Variants in PBRM1 observed in about 807,000 individuals in gnomAD.
PBRM1 encodes the protein protein polybromo-1.
In PBRM1, 27 loss-of-function variants were observed where a neutral mutation model predicts 194.5. The observed-to-expected ratio is 0.14, with a 90% CI of 0.10 to 0.19. PBRM1 has a LOEUF of 0.19. PBRM1 is among the 10% of genes least tolerant of loss of function. PBRM1 has a pLI of 1.00. For missense variants in PBRM1, 1,466 were observed against 2,077.2 expected (o/e 0.71, Z 5.72); for synonymous variants, 655 against 693.2 (o/e 0.94, Z 0.87).
At chr3:52,630,534 A>C (rs927265906) in intron 11 of PBRM1, among the ~76,000 whole-genome samples, 1 of 152,254 alleles carries the variant, frequency 6.6e-6, no homozygotes, top group African/African-American at 2.4e-5. Context: ...TCATCAACGC[A>C]GAAAGTTCTG....
chr3:52,545,961 C>CT (rs1434944382), downstream of PBRM1: 4 of 232,872 alleles, frequency 1.7e-5, no homozygotes, highest in East Asian at 1.8e-4. Context: ...AATACACAGG[C>CT]TTTTTAAAAA....
chr3:52,623,254 T>C (rs1483473880), intron 13 of PBRM1, among the ~76,000 whole-genome samples: 3 of 152,166 alleles, frequency 2.0e-5, no homozygotes, highest in Admixed American at 6.5e-5. Context: ...CACCTGTGAA[T>C]AGCCACTGCA....
At chr3:52,605,436 A>T (rs2094284892) in intron 16 of PBRM1, among the ~76,000 whole-genome samples, 1 of 152,196 alleles carries the variant, frequency 6.6e-6, no homozygotes, top group African/African-American at 2.4e-5. Flanking sequence ...AGTTACAGAG[A>T]CATTCTGGTC....
Position 52,676,005 on chromosome 3 carries a change from C to T in PBRM1, c.236+2495G>A, listed in dbSNP as rs2097092386. ...TGGCGGGCGCCTGTAGTCCCAGCTA[C>T]TTGGGAGGCTGAGGCGGGAGAATGG... On this transcript the variant is annotated intron_variant, in intron 2 of 29. Coordinates refer to ENST00000296302, the Ensembl canonical transcript of PBRM1. Among the ~76,000 whole-genome samples, 2 of 93,500 alleles carry T rather than the reference C, an allele frequency of 2.1e-5. 1 individual carries two copies. The allele number at this position is 93,500 out of a possible 152,430, so 61.3% of individuals were successfully genotyped here.
chr3:52,636,881 T>C (rs2095844102), intron 10 of PBRM1, among the ~76,000 whole-genome samples: 1 of 144,224 alleles, frequency 6.9e-6, no homozygotes. Flanking sequence ...AAGAATTTAA[T>C]TATGTGTTAA....
rs146314820 is a variant in PBRM1, at chr3:52,556,190, A to G, written c.4454-1311T>C. Among the ~76,000 whole-genome samples, 20 of 152,358 alleles carry G rather than the reference A, an allele frequency of 1.3e-4. No homozygotes were observed. The East Asian group carries it at 2.9e-3, about 22-fold the overall frequency. ...TATAAAAGTTTAGTCTTTTAAGGCTATGAAATTACTAAAAATTCTGAGGTC... is the reference window on the plus strand; with the variant it reads ...TATAAAAGTTTAGTCTTTTAAGGCTGTGAAATTACTAAAAATTCTGAGGTC... On this transcript the variant is annotated intron_variant, in intron 26 of 29. Transcript: ENST00000296302.
intron 9 of PBRM1, among the ~76,000 whole-genome samples, chr3:52,642,763 AT>A (rs2096146824): frequency 6.6e-6 from 1 of 151,880 alleles, no homozygotes; most frequent in Non-Finnish European, 1.5e-5. Context: ...CTGAGAGGTG[AT>A]ATAAGGCCTA....
At chr3:52,606,057 T>C (rs576347571) in intron 16 of PBRM1, among the ~76,000 whole-genome samples, 16 of 152,122 alleles carry the variant, frequency 1.1e-4, no homozygotes, top group Non-Finnish European at 2.4e-4. Context: ...TGGAGTACAG[T>C]GGCACGATCA....
At chr3:52,550,998 A>G (rs929095055) in intron 27 of PBRM1, among the ~76,000 whole-genome samples, 181 bp from the exon 30 acceptor site, 1 of 152,244 alleles carries the variant, frequency 6.6e-6, no homozygotes, top group African/African-American at 2.4e-5. Flanking sequence ...TTTTGTTTCT[A>G]GGTACTTAAA....
intron 17 of PBRM1, among the ~76,000 whole-genome samples, chr3:52,591,962 G>T (rs1442162350): frequency 2.0e-5 from 3 of 147,612 alleles, no homozygotes; most frequent in Non-Finnish European, 3.0e-5. Flanking sequence ...AAGTAGCTGG[G>T]ATTACAGGTG....
intron 10 of PBRM1, among the ~76,000 whole-genome samples, chr3:52,640,498 T>C (rs2096031037): frequency 6.6e-6 from 1 of 152,056 alleles, no homozygotes; most frequent in South Asian, 2.1e-4. Context: ...CTTGAACTTC[T>C]GGGCTCAAGC....
At chr3:52,685,889 C>T (rs959611295), upstream of PBRM1, 1 of 623,104 alleles carries the variant, frequency 1.6e-6, no homozygotes, top group Non-Finnish European at 2.9e-6. Context: ...ACCTCCCTTA[C>T]CCCTCCCGGT....
rs550441103 is a variant in PBRM1 at position 52,656,101 on chromosome 3, C to G, written c.645+2098G>C. Reference sequence around the variant, plus strand: ...ACCTAGAAATATGAGAATGCTGAGGCCATGAAAATGTTTGCAGTTTCATAG... The same window carrying G: ...ACCTAGAAATATGAGAATGCTGAGGGCATGAAAATGTTTGCAGTTTCATAG... On this transcript the variant is annotated intron_variant, in intron 5 of 29. Transcript: ENST00000296302. Among the ~76,000 whole-genome samples the G allele has an allele frequency of 1.2e-4, 18 of 152,228 alleles. No homozygotes were observed. In the Middle Eastern group the frequency reaches 0.01, roughly 86 times the overall value.
chr3:52,681,826 AAAG>A (rs1207148787), upstream of PBRM1: 6 of 470,902 alleles, frequency 1.3e-5, no homozygotes, highest in African/African-American at 8.3e-5. Context: ...CAAAACTGAA[AAAG>A]AAGAACAAGG....
intron 10 of PBRM1, among the ~76,000 whole-genome samples, chr3:52,641,296 A>C (rs773437319): frequency 8.6e-5 from 13 of 151,838 alleles, no homozygotes; most frequent in Non-Finnish European, 7.4e-5. Flanking sequence ...AAAACACAAA[A>C]ATTAGCCAGG....
At chr3:52,684,151 A>G, upstream of PBRM1, among the ~76,000 whole-genome samples, 1 of 142,188 alleles carries the variant, frequency 7.0e-6, no homozygotes, top group Non-Finnish European at 1.5e-5. Context: ...CTGGGCAACA[A>G]AGTCAGACCT....
intron 20 of PBRM1, among the ~76,000 whole-genome samples, chr3:52,581,924 C>T (rs1388738824): frequency 6.6e-6 from 1 of 152,138 alleles, no homozygotes; most frequent in Non-Finnish European, 1.5e-5. Context: ...GCATGAGCCA[C>T]CGAGCACGGC....
intron 2 of PBRM1, among the ~76,000 whole-genome samples, chr3:52,677,387 G>A (rs1164630478): frequency 6.8e-6 from 1 of 147,492 alleles, no homozygotes; most frequent in Non-Finnish European, 1.5e-5. Flanking sequence ...GGGATTACAG[G>A]CGCCCCACCA....
At chr3:52,674,069 T>C (rs1346607532) in intron 2 of PBRM1, among the ~76,000 whole-genome samples, 1 of 150,492 alleles carries the variant, frequency 6.6e-6, no homozygotes, top group Non-Finnish European at 1.5e-5. Flanking sequence ...AATATATATA[T>C]AGATATATAT....
Sources: gnomAD v4.1 joint callset for allele counts (sites outside exome capture counted in the v4.1 genomes callset) on GRCh38, gnomAD v4.1.1 for gene constraint, MANE v1.5 for transcripts, NCBI Gene and HGNC (gene_info 2026-07-23, HGNC 2026-07-21) for gene names.